Variants in CTNNA2 observed in about 807,000 individuals in gnomAD.
CTNNA2 encodes the protein catenin alpha 2.
In CTNNA2, 42 loss-of-function variants were observed where a neutral mutation model predicts 101.0. That is an observed-to-expected ratio of 0.42 (90% CI 0.32 to 0.54). The LOEUF is 0.54. Among genes scored for constraint, CTNNA2 ranks in the 20% least tolerant of loss-of-function variants. The pLI is 0.14. For missense variants in CTNNA2, 871 were observed against 1,223.1 expected, an observed-to-expected ratio of 0.71 and a Z score of 4.29; for synonymous variants, 450 against 456.4, an observed-to-expected ratio of 0.99 and a Z score of 0.18.
At chr2:80,051,545 T>A (rs1301710831) in intron 7 of CTNNA2, among the ~76,000 whole-genome samples, 1 of 152,172 alleles carries the variant, frequency 6.6e-6, no homozygotes, top group Non-Finnish European at 1.5e-5. Flanking sequence ...CATTTGTCTA[T>A]AAATTTACAT....
intron 1 of CTNNA2, among the ~76,000 whole-genome samples, chr2:79,637,506 A>G (rs1035684380): frequency 1.3e-5 from 2 of 152,128 alleles, no homozygotes; most frequent in African/African-American, 4.8e-5. Flanking sequence ...GGTTTTTTGA[A>G]CTTTCAGGAA....
chr2:79,732,574 T>C (rs545421452), intron 2 of CTNNA2, among the ~76,000 whole-genome samples: 334 of 152,188 alleles, frequency 2.2e-3, no homozygotes, highest in Non-Finnish European at 3.9e-3. Context: ...CATACATTCC[T>C]GAACTAATAA....
At chr2:79,533,674 C>T (rs1040676709) in intron 1 of CTNNA2, among the ~76,000 whole-genome samples, 3 of 152,018 alleles carry the variant, frequency 2.0e-5, no homozygotes, top group African/African-American at 7.2e-5. Context: ...TAGAGGAGCA[C>T]CTATTGTGGG....
intron 7 of CTNNA2, among the ~76,000 whole-genome samples, chr2:80,012,214 A>G (rs1490739814): frequency 6.6e-6 from 1 of 152,184 alleles, no homozygotes; most frequent in African/African-American, 2.4e-5. Flanking sequence ...TTTGATAAAC[A>G]CATGAGGGTT....
At chr2:79,967,136 G>GTA (rs1406481927) in intron 7 of CTNNA2, among the ~76,000 whole-genome samples, 4 of 149,528 alleles carry the variant, frequency 2.7e-5, no homozygotes, top group Non-Finnish European at 5.9e-5. Flanking sequence ...GTGTGTGTGT[G>GTA]TGTATGTTAC....
intron 12 of CTNNA2, among the ~76,000 whole-genome samples, chr2:80,568,486 G>A (rs974698374): frequency 1.3e-5 from 2 of 152,066 alleles, no homozygotes; most frequent in African/African-American, 2.4e-5. Flanking sequence ...GCCTGAAGGC[G>A]ATTCATATGT....
intron 4 of CTNNA2, among the ~76,000 whole-genome samples, chr2:79,477,690 GC>G (rs143413346): frequency 0.018 from 2,670 of 152,308 alleles, 83 homozygotes; most frequent in African/African-American, 0.061. Flanking sequence ...TGGCCTGTAA[GC>G]TTACAACCCC....
intron 7 of CTNNA2, among the ~76,000 whole-genome samples, chr2:80,156,822 AT>A (rs1704019929): frequency 6.6e-6 from 1 of 152,228 alleles, no homozygotes; most frequent in East Asian, 1.9e-4. Flanking sequence ...TGGCAGAACC[AT>A]ACTTACTTTC....
intron 9 of CTNNA2, among the ~76,000 whole-genome samples, chr2:80,528,846 C>T (rs553944795): frequency 6.6e-6 from 1 of 152,270 alleles, no homozygotes; most frequent in African/African-American, 2.4e-5. Context: ...TTCTTTGGAA[C>T]ATTCTCAAAC....
chr2:80,331,953 G>T (rs1316437434), intron 7 of CTNNA2, among the ~76,000 whole-genome samples: 1 of 152,070 alleles, frequency 6.6e-6, no homozygotes, highest in African/African-American at 2.4e-5. Flanking sequence ...TGTAAGCTGT[G>T]CATTTGGGCA....
chr2:80,000,611 A>G (rs1248409804), intron 7 of CTNNA2, among the ~76,000 whole-genome samples: 1 of 152,126 alleles, frequency 6.6e-6, no homozygotes, highest in East Asian at 1.9e-4. Flanking sequence ...TTGATATTAT[A>G]CTTCCTGCAA....
At chr2:80,571,471 G>A (rs1472222251) in intron 12 of CTNNA2, among the ~76,000 whole-genome samples, 3 of 152,094 alleles carry the variant, frequency 2.0e-5, no homozygotes, top group Non-Finnish European at 4.4e-5. Flanking sequence ...AAAGAACAAA[G>A]ACTAATAAAA....
At chr2:79,988,736 C>A (rs1691948644) in intron 7 of CTNNA2, among the ~76,000 whole-genome samples, 1 of 152,122 alleles carries the variant, frequency 6.6e-6, no homozygotes, top group Admixed American at 6.5e-5. Context: ...ATGTAATTGG[C>A]CTGCTTATCT....
At chr2:80,150,284 A>G (rs146382798) in intron 7 of CTNNA2, among the ~76,000 whole-genome samples, 70 of 152,076 alleles carry the variant, frequency 4.6e-4, no homozygotes, top group African/African-American at 1.7e-3. Context: ...TGACTTCACA[A>G]TTCCATCTCA....
intron 9 of CTNNA2, among the ~76,000 whole-genome samples, chr2:80,470,554 T>G (rs533548106): frequency 6.6e-6 from 1 of 152,154 alleles, no homozygotes; most frequent in Non-Finnish European, 1.5e-5. Context: ...GGTCTTGCTC[T>G]ATACTGGACT....
At chr2:79,970,553 G>A (rs928687475) in intron 7 of CTNNA2, among the ~76,000 whole-genome samples, 2 of 152,148 alleles carry the variant, frequency 1.3e-5, no homozygotes, top group African/African-American at 4.8e-5. Flanking sequence ...GTTTTGCTCC[G>A]TATGGAGAAG....
intron 2 of CTNNA2, among the ~76,000 whole-genome samples, chr2:79,222,894 T>C (rs1446933763): frequency 6.6e-6 from 1 of 151,900 alleles, no homozygotes; most frequent in Non-Finnish European, 1.5e-5. Context: ...TCATCTGTAA[T>C]CCCAGAACTT....
At chr2:80,439,977 T>C (rs1298650964) in intron 9 of CTNNA2, among the ~76,000 whole-genome samples, 1 of 152,166 alleles carries the variant, frequency 6.6e-6, no homozygotes, top group Non-Finnish European at 1.5e-5. Flanking sequence ...ATTCTAATTA[T>C]AGAAGGCAGA....
intron 4 of CTNNA2, among the ~76,000 whole-genome samples, chr2:79,436,584 G>T (rs72919189): frequency 6.6e-6 from 1 of 151,890 alleles, no homozygotes; most frequent in Non-Finnish European, 1.5e-5. Context: ...CTAATGTGTA[G>T]TCAGCTCTGG....
Sources: allele counts gnomAD v4.1 joint callset (sites outside exome capture counted in the v4.1 genomes callset), GRCh38; gene constraint gnomAD v4.1.1; transcripts MANE v1.5; gene names NCBI Gene and HGNC (gene_info 2026-07-23, HGNC 2026-07-21).